Variants in PBX3 observed in about 807,000 individuals in gnomAD.
PBX3 encodes pre-B-cell leukemia transcription factor 3.
Under a neutral mutation model 48.5 loss-of-function variants are expected in PBX3, and 14 were observed. The observed-to-expected ratio is 0.29, with a 90% CI of 0.19 to 0.45. The LOEUF (loss-of-function observed/expected upper bound fraction) is 0.45, where lower values mean the gene tolerates loss of function less well. Among genes scored for constraint, PBX3 ranks in the 20% least tolerant of loss-of-function variants. The pLI is 1.00. For missense variants in PBX3, 386 were observed against 546.7 expected (o/e 0.71, Z 2.93); for synonymous variants, 210 against 200.3 (o/e 1.05, Z -0.41).
intron 2 of PBX3, among the ~76,000 whole-genome samples, chr9:125,816,646 G>A (rs1343738367): frequency 2.0e-5 from 3 of 152,122 alleles, no homozygotes; most frequent in South Asian, 2.1e-4. Context: ...ATTAGTGCTC[G>A]AATCTTCCAA....
intron 3 of PBX3, among the ~76,000 whole-genome samples, chr9:125,919,359 ATTTTTTTTTTT>A (rs34891465): frequency 4.9e-5 from 5 of 102,752 alleles, no homozygotes; most frequent in Non-Finnish European, 9.4e-5. Context: ...TGCCCGTCTA[ATTTTTTTTTTT>A]TTTTTTTTTT....
At chr9:125,921,402 G>T (rs1015381733) in intron 3 of PBX3, among the ~76,000 whole-genome samples, 2 of 152,004 alleles carry the variant, frequency 1.3e-5, no homozygotes, top group African/African-American at 2.4e-5. Flanking sequence ...ATTAGATAAA[G>T]TGTGGACTTG....
chr9:125,883,165 A>G (rs1328886478), intron 2 of PBX3, among the ~76,000 whole-genome samples: 4 of 152,248 alleles, frequency 2.6e-5, no homozygotes, highest in Non-Finnish European at 4.4e-5. Flanking sequence ...TGTTGTTAAA[A>G]TGAATTCTAG....
chr9:125,929,086 G>A (rs765087091), intron 3 of PBX3, among the ~76,000 whole-genome samples: 6 of 152,118 alleles, frequency 3.9e-5, no homozygotes, highest in Non-Finnish European at 7.4e-5. Context: ...GCTACCTATT[G>A]TTTAAAGCTC....
intron 2 of PBX3, among the ~76,000 whole-genome samples, chr9:125,834,586 G>A (rs1288336279): frequency 6.6e-6 from 1 of 151,222 alleles, no homozygotes; most frequent in Non-Finnish European, 1.5e-5. Context: ...TAGTAGAGAC[G>A]GGGGTTGCGC....
intron 2 of PBX3, among the ~76,000 whole-genome samples, chr9:125,900,136 A>G (rs1030487843): frequency 1.3e-5 from 2 of 151,166 alleles, no homozygotes; most frequent in African/African-American, 4.9e-5. Flanking sequence ...GACATGATTT[A>G]TTTTGCCTCT....
At chr9:125,750,211 C>G (rs1291802806) in intron 2 of PBX3, among the ~76,000 whole-genome samples, 1 of 152,152 alleles carries the variant, frequency 6.6e-6, no homozygotes, top group Non-Finnish European at 1.5e-5. Flanking sequence ...GGGGTATTGA[C>G]TATGTTGTGA....
chr9:125,915,833 G>T lies in PBX3; in HGVS notation c.422G>T (p.Gly141Val). 1 of 1,614,058 alleles carries T rather than the reference G, an allele frequency of 6.2e-7. No individual in the cohort carries two copies. Among genetic ancestry groups the T allele is most frequent in the African/African-American group, 1.3e-5 (1 of 75,024 alleles). Residue 141 changes from glycine to valine, a missense_variant, in exon 3 of 9, where the codon GGT (glycine) becomes GTT (valine). Transcript: ENST00000373489. ...GCTGCAGCCGCGGCAGCCTCTGGAG[G>T]TTCTTCAGATAACTCTATTGAACAC... ...AAAAAAAASG[G>V]SSDNSIEHSD...
rs896813941 is a variant in PBX3, at chr9:125,851,843, T to G, written c.275-63843T>G. Among the ~76,000 whole-genome samples, 5 of 151,670 alleles carry G rather than the reference T, an allele frequency of 3.3e-5. No homozygotes were observed. In the South Asian group the frequency reaches 8.3e-4, roughly 25 times the overall value. On this transcript the variant is annotated intron_variant, in intron 2 of 8. Coordinates refer to ENST00000373489, the MANE Select transcript of PBX3 (RefSeq NM_006195.6). ...TTAATTAAAAGCATTTGTTTAGAAG[T>G]TTAGAGAATTCAAAAAATTTTTGCT...
intron 2 of PBX3, among the ~76,000 whole-genome samples, chr9:125,752,694 G>T (rs1023187311): frequency 6.6e-6 from 1 of 152,086 alleles, no homozygotes; most frequent in African/African-American, 2.4e-5. Context: ...TTTGTACAGT[G>T]CTGTGTGATT....
chr9:125,904,069 A>G (rs573173146), intron 2 of PBX3, among the ~76,000 whole-genome samples: 31 of 152,064 alleles, frequency 2.0e-4, no homozygotes, highest in African/African-American at 7.2e-4. Context: ...AGGTCTTATT[A>G]TTAACCTGCC....
intron 4 of PBX3, 101 bp from the exon 5 acceptor site, chr9:125,935,370 TA>T: frequency 3.0e-6 from 3 of 1,016,480 alleles, no homozygotes; most frequent in Non-Finnish European, 2.9e-6. Flanking sequence ...TAAGGATGTT[TA>T]AAAAGAGAAA....
At chr9:125,941,419 A>C (rs529727444) in intron 5 of PBX3, among the ~76,000 whole-genome samples, 1 of 152,290 alleles carries the variant, frequency 6.6e-6, no homozygotes, top group Admixed American at 6.5e-5. Context: ...GTTTTATAGG[A>C]TCACCATGGC....
intron 5 of PBX3, among the ~76,000 whole-genome samples, chr9:125,941,861 C>T (rs1421097715): frequency 1.3e-5 from 2 of 152,170 alleles, no homozygotes; most frequent in Non-Finnish European, 2.9e-5. Flanking sequence ...AAAACTTCAT[C>T]GTTCTCCTAA....
At chr9:125,965,612 C>T (rs950963589) in intron 8 of PBX3, among the ~76,000 whole-genome samples, 4 of 152,168 alleles carry the variant, frequency 2.6e-5, no homozygotes, top group Non-Finnish European at 4.4e-5. Context: ...CCTTCTTCGG[C>T]GTGTTGATTT....
intron 2 of PBX3, among the ~76,000 whole-genome samples, chr9:125,774,250 C>A (rs952947330): frequency 6.6e-6 from 1 of 152,170 alleles, no homozygotes. Context: ...GAGAACAGCA[C>A]TAGGGGGATG....
chr9:125,830,341 T>C lies in PBX3; in HGVS notation c.274+81718T>C, dbSNP rs146225460. Among the ~76,000 whole-genome samples, 41 of 152,272 alleles carry C rather than the reference T, an allele frequency of 2.7e-4. 1 individual carries two copies. The East Asian group carries it at 7.5e-3, about 28-fold the overall frequency. Reference sequence around the variant, plus strand: ...GAACTATGAAGAATTATAGATACAATATTGATAGCACTGTGTCAGTTAAAT... The same window carrying C: ...GAACTATGAAGAATTATAGATACAACATTGATAGCACTGTGTCAGTTAAAT... On this transcript the variant is annotated intron_variant, in intron 2 of 8. Transcript: ENST00000373489.
intron 2 of PBX3, among the ~76,000 whole-genome samples, chr9:125,857,148 G>A (rs533324197): frequency 1.3e-5 from 2 of 152,230 alleles, no homozygotes; most frequent in East Asian, 1.9e-4. Context: ...ATATAGGAAG[G>A]AAATATATCG....
intron 5 of PBX3, among the ~76,000 whole-genome samples, chr9:125,954,366 T>C (rs940343642): frequency 5.3e-5 from 8 of 152,236 alleles, no homozygotes; most frequent in African/African-American, 1.9e-4. Context: ...TAGAGCCTTA[T>C]AATTACAGGA....
Sources: gnomAD v4.1 joint callset for allele counts (sites outside exome capture counted in the v4.1 genomes callset) on GRCh38, gnomAD v4.1.1 for gene constraint, MANE v1.5 for transcripts, NCBI Gene and HGNC (gene_info 2026-07-23, HGNC 2026-07-21) for gene names.